NPSR1: variants seen among roughly 807,000 people sequenced by gnomAD.
The protein encoded by NPSR1 is neuropeptide S receptor 1, also known as neuropeptide S receptor.
NPSR1 carries 48 observed loss-of-function variants against 46.9 expected under a neutral mutation model. That is an observed-to-expected ratio of 1.02 (90% CI 0.81 to 1.30). The LOEUF (loss-of-function observed/expected upper bound fraction) is 1.30. Among genes scored for constraint, NPSR1 ranks in the 50% most tolerant of loss-of-function variants. The pLI, the probability that NPSR1 is intolerant of heterozygous loss-of-function variation, is 0.00. For missense variants in NPSR1, 450 were observed against 449.5 expected (o/e 1.00, Z -0.01); for synonymous variants, 176 against 168.1 (o/e 1.05, Z -0.36).
chr7:34,799,138 A>C (rs978223654), intron 3 of NPSR1, among the ~76,000 whole-genome samples: 9 of 152,188 alleles, frequency 5.9e-5, no homozygotes, highest in Non-Finnish European at 7.4e-5. Context: ...AGTAGAATTT[A>C]AATTTTCTCT....
chr7:34,724,632 C>A (rs1162479469), intron 2 of NPSR1, among the ~76,000 whole-genome samples: 1 of 152,144 alleles, frequency 6.6e-6, no homozygotes, highest in Non-Finnish European at 1.5e-5. Context: ...TGGTGGTCTG[C>A]ACATAGTGGT....
intron 2 of NPSR1, chr7:34,768,417 A>C (rs1233545748): frequency 6.6e-6 from 1 of 152,208 alleles, no homozygotes; most frequent in Non-Finnish European, 1.5e-5. Context: ...CGGAAATTTT[A>C]TCTACAGAGA....
At chr7:34,706,694 A>G (rs1409999351) in intron 2 of NPSR1, among the ~76,000 whole-genome samples, 2 of 152,076 alleles carry the variant, frequency 1.3e-5, no homozygotes, top group Non-Finnish European at 1.5e-5. Context: ...AGTGTCCCCA[A>G]AATGTAAAAA....
chr7:34,860,266 T>C (rs1191952118), intron 8 of NPSR1, among the ~76,000 whole-genome samples: 1 of 151,740 alleles, frequency 6.6e-6, no homozygotes, highest in African/African-American at 2.4e-5. Flanking sequence ...ATCAAAGCAC[T>C]CTAGAGCAGC....
intron 1 of NPSR1, among the ~76,000 whole-genome samples, chr7:34,665,190 A>G (rs1391205551): frequency 6.6e-6 from 1 of 152,204 alleles, no homozygotes; most frequent in Non-Finnish European, 1.5e-5. Context: ...AACAGTAAAA[A>G]ACAAACCCTA....
intron 4 of NPSR1, among the ~76,000 whole-genome samples, chr7:34,823,156 T>C (rs36014002): frequency 0.14 from 21,880 of 151,988 alleles, 2,106 homozygotes; most frequent in East Asian, 0.32. Flanking sequence ...TTCGGGAGGC[T>C]GAGGTGGGTG....
intron 1 of NPSR1, among the ~76,000 whole-genome samples, chr7:34,669,150 A>G (rs1354366009): frequency 6.6e-6 from 1 of 152,252 alleles, no homozygotes; most frequent in East Asian, 1.9e-4. Context: ...AACTCTAATT[A>G]TGAGAGTTCT....
intron 1 of NPSR1, chr7:34,659,994 G>C (rs1791376129): frequency 2.3e-6 from 1 of 425,552 alleles, no homozygotes; most frequent in Admixed American, 2.5e-5. Flanking sequence ...CTGAGACTCT[G>C]GCAAGAATCA....
chr7:34,737,402 C>T (rs1028577795), intron 2 of NPSR1, among the ~76,000 whole-genome samples: 7 of 152,214 alleles, frequency 4.6e-5, no homozygotes, highest in African/African-American at 9.6e-5. Context: ...CCCTCCATCT[C>T]GCACTGCATT....
At chr7:34,755,479 C>T (rs1024086628) in intron 2 of NPSR1, among the ~76,000 whole-genome samples, 50 of 152,132 alleles carry the variant, frequency 3.3e-4, no homozygotes, top group Admixed American at 2.2e-3. Flanking sequence ...AACATTGCTG[C>T]GTATAGTTGC....
intron 2 of NPSR1, chr7:34,750,678 A>T (rs983819520): frequency 1.4e-6 from 1 of 703,344 alleles, no homozygotes; most frequent in Non-Finnish European, 2.7e-6. Flanking sequence ...AAAGAACTGA[A>T]GATGGACTCA....
intron 8 of NPSR1, among the ~76,000 whole-genome samples, chr7:34,872,464 G>T (rs1036617959): frequency 3.3e-5 from 5 of 151,954 alleles, no homozygotes; most frequent in Non-Finnish European, 5.9e-5. Context: ...GCAAGTGGTT[G>T]CTCCACAGCG....
intron 1 of NPSR1, among the ~76,000 whole-genome samples, chr7:34,671,466 T>C (rs998286330): frequency 1.2e-4 from 18 of 152,320 alleles, no homozygotes; most frequent in Non-Finnish European, 2.4e-4. Context: ...CTATTTACTC[T>C]GCAGAAGCCC....
chr7:34,878,123 C>A (rs750122531), exon 9 of NPSR1: 4 of 1,611,072 alleles, frequency 2.5e-6, no homozygotes, highest in African/African-American at 2.7e-5. Context: ...ATGCTCTGCC[C>A]TCAACGAGAG....
chr7:34,659,378 T>C (rs189648145), intron 1 of NPSR1, among the ~76,000 whole-genome samples: 81 of 152,338 alleles, frequency 5.3e-4, no homozygotes, highest in Middle Eastern at 6.8e-3. Flanking sequence ...ACTGGTCCTT[T>C]CCACTGAAGA....
chr7:34,710,277 T>C (rs1278145726), intron 2 of NPSR1, among the ~76,000 whole-genome samples: 1 of 152,224 alleles, frequency 6.6e-6, no homozygotes, highest in Non-Finnish European at 1.5e-5. Flanking sequence ...CCAATTCTTT[T>C]GATCCTCACC....
In NPSR1 at chr7:34,754,807, C is replaced by T. The variant is rs1785737495; in HGVS notation, c.281-23655C>T. On this transcript the variant is annotated intron_variant, in intron 2 of 8. Transcript: ENST00000360581. ...AACTCCCACCTCACATCCTCCGTAA[C>T]CCTAGCCAACTGCCAATCTACTTCC... Among the ~76,000 whole-genome samples, 3 of 152,280 alleles carry T rather than the reference C, an allele frequency of 2.0e-5. No homozygotes were observed. In the South Asian group the frequency reaches 6.2e-4, roughly 32 times the overall value.
At chr7:34,702,406 T>C (rs1439526763) in intron 2 of NPSR1, among the ~76,000 whole-genome samples, 1 of 152,254 alleles carries the variant, frequency 6.6e-6, no homozygotes, top group Non-Finnish European at 1.5e-5. Flanking sequence ...CAGCTTCCTT[T>C]TCCTAAGGAA....
intron 1 of NPSR1, among the ~76,000 whole-genome samples, chr7:34,678,160 C>T (rs988424396): frequency 6.6e-6 from 1 of 151,934 alleles, no homozygotes; most frequent in African/African-American, 2.4e-5. Flanking sequence ...AATAAACCAT[C>T]CCCCAGCACC....
Sources: gnomAD v4.1 joint callset for allele counts (sites outside exome capture counted in the v4.1 genomes callset) on GRCh38, gnomAD v4.1.1 for gene constraint, MANE v1.5 for transcripts, NCBI Gene and HGNC (gene_info 2026-07-23, HGNC 2026-07-21) for gene names.